Variants in STXBP5 observed in about 807,000 individuals in gnomAD.
The protein encoded by STXBP5 is syntaxin-binding protein 5.
Under a neutral mutation model 152.4 loss-of-function variants are expected in STXBP5, and 50 were observed. The ratio of observed to expected loss-of-function variants is 0.33; its 90% CI spans 0.26 to 0.42. The LOEUF (loss-of-function observed/expected upper bound fraction) is 0.42. Ranked by LOEUF, STXBP5 falls within the 10% of genes least tolerant of loss-of-function variation. The pLI is 1.00. For synonymous variants in STXBP5, 492 were observed against 494.7 expected (o/e 0.99, Z 0.07); for missense variants, 1,167 against 1,388.6 (o/e 0.84, Z 2.54).
chr6:147,353,950 A>G (rs1254138449), intron 22 of STXBP5, among the ~76,000 whole-genome samples: 1 of 152,170 alleles, frequency 6.6e-6, no homozygotes, highest in Non-Finnish European at 1.5e-5. Context: ...GCACCTTGAT[A>G]TCACATAGGG....
At chr6:147,349,781 T>C (rs903373421) in intron 21 of STXBP5, among the ~76,000 whole-genome samples, 6 of 152,276 alleles carry the variant, frequency 3.9e-5, no homozygotes, top group African/African-American at 9.6e-5. Flanking sequence ...CCAGTAGATA[T>C]TTAATAAATG....
chr6:147,372,446 T>C (rs1396812518), intron 25 of STXBP5, among the ~76,000 whole-genome samples: 1 of 101,240 alleles, frequency 9.9e-6, no homozygotes, highest in African/African-American at 4.0e-5. Context: ...TTTTTTTTTT[T>C]TTTTTTTTTT....
At chr6:147,217,372 T>G (rs1345140100) in intron 2 of STXBP5, among the ~76,000 whole-genome samples, 1 of 152,242 alleles carries the variant, frequency 6.6e-6, no homozygotes, top group African/African-American at 2.4e-5. Flanking sequence ...GATAAAAAGC[T>G]GTTTTTACTT....
At chr6:147,236,535 T>C (rs1372801871) in intron 3 of STXBP5, among the ~76,000 whole-genome samples, 1 of 152,124 alleles carries the variant, frequency 6.6e-6, no homozygotes, top group Non-Finnish European at 1.5e-5. Flanking sequence ...ATCAAAACAA[T>C]ACTATTAACT....
intron 9 of STXBP5, among the ~76,000 whole-genome samples, chr6:147,298,234 TA>T (rs1781629498): frequency 6.6e-6 from 1 of 151,930 alleles, no homozygotes; most frequent in Non-Finnish European, 1.5e-5. Flanking sequence ...TCAAAAACTG[TA>T]AAAAATGACC....
At chr6:147,220,961 T>C (rs1167252075) in intron 2 of STXBP5, among the ~76,000 whole-genome samples, 3 of 152,146 alleles carry the variant, frequency 2.0e-5, no homozygotes, top group Non-Finnish European at 4.4e-5. Context: ...TCCCGTTCTT[T>C]TTATGCCTCT....
At chr6:147,383,035 T>C in intron 27 of STXBP5, 37 bp downstream of exon 27, 3 of 1,601,388 alleles carry the variant, frequency 1.9e-6, no homozygotes, top group Non-Finnish European at 2.6e-6. Context: ...CAAAAAGCTC[T>C]AGGTAAAGCA....
At chr6:147,265,665 GGGTACACTGT>G (rs1178428183) in intron 6 of STXBP5, among the ~76,000 whole-genome samples, 3 of 152,078 alleles carry the variant, frequency 2.0e-5, no homozygotes, top group Non-Finnish European at 4.4e-5. Flanking sequence ...TGGGGCCTGG[GGGTACACTGT>G]GGTACACTGT....
intron 7 of STXBP5, among the ~76,000 whole-genome samples, chr6:147,277,529 A>G (rs770980897): frequency 4.6e-5 from 7 of 152,246 alleles, no homozygotes; most frequent in African/African-American, 7.2e-5. Flanking sequence ...CAGAAGTACA[A>G]AATAAATTTC....
chr6:147,280,751 C>A (rs923993115), intron 8 of STXBP5, among the ~76,000 whole-genome samples: 42 of 152,016 alleles, frequency 2.8e-4, no homozygotes, highest in African/African-American at 9.9e-4. Flanking sequence ...ATTGTCTTAG[C>A]AGAAAAGGGT....
intron 26 of STXBP5, among the ~76,000 whole-genome samples, chr6:147,381,756 T>C (rs753829822): frequency 6.6e-6 from 1 of 152,114 alleles, no homozygotes; most frequent in Non-Finnish European, 1.5e-5. Context: ...TTGACGTTAC[T>C]CTCAGTGAAA....
chr6:147,292,874 T>C (rs888265406), intron 9 of STXBP5: 11 of 152,126 alleles, frequency 7.2e-5, no homozygotes, highest in African/African-American at 2.7e-4. Flanking sequence ...AGTAATACTT[T>C]TCCTTTCATA....
At chr6:147,354,158 A>G (rs903479117) in intron 22 of STXBP5, among the ~76,000 whole-genome samples, 1 of 152,022 alleles carries the variant, frequency 6.6e-6, no homozygotes, top group Non-Finnish European at 1.5e-5. Context: ...CACACCCCTC[A>G]CCACTGTTTA....
At position 147,217,192 on chromosome 6, in the gene STXBP5, T is replaced by C. The variant is rs531629586; in HGVS notation, c.248+11124T>C. Among the ~76,000 whole-genome samples, 576 of 152,356 alleles carry C rather than the reference T, an allele frequency of 3.8e-3. 2 individuals are homozygous for C. The highest frequency in any genetic ancestry group is 0.013 in the African/African-American group (546 of 41,590). On this transcript the variant is annotated intron_variant, in intron 2 of 27. Coordinates refer to ENST00000321680, the MANE Select transcript of STXBP5 (RefSeq NM_001127715.4). ...GCTAAATGGTTTTCCTTTGTGCGTT[T>C]GTCTCTTTTTGTCTTTTGAAAAGGA...
intron 26 of STXBP5, among the ~76,000 whole-genome samples, chr6:147,375,277 A>G (rs1785753993): frequency 6.6e-6 from 1 of 152,186 alleles, no homozygotes; most frequent in Non-Finnish European, 1.5e-5. Context: ...TATAGTGTTC[A>G]AGAGGCTCAG....
chr6:147,286,041 A>G (rs1051417105), intron 8 of STXBP5, among the ~76,000 whole-genome samples: 1 of 152,196 alleles, frequency 6.6e-6, no homozygotes, highest in Non-Finnish European at 1.5e-5. Flanking sequence ...GAAAGGTCAT[A>G]TACATCTCTA....
At position 147,323,516 on chromosome 6, in the gene STXBP5, C is replaced by T. The variant is rs1427778158; in HGVS notation, c.1803-1443C>T. On this transcript the variant is annotated intron_variant, in intron 16 of 27. Transcript: ENST00000321680. ...AGGCGATTCTCCTGCCTCAGCCTCC[C>T]GAGTAGCTGGGATTGCAGGTGCTCA... Among the ~76,000 whole-genome samples, 14 of 151,896 alleles carry T rather than the reference C, an allele frequency of 9.2e-5. No individual in the cohort carries two copies. In the East Asian group the frequency reaches 9.7e-4, roughly 11 times the overall value.
intron 9 of STXBP5, among the ~76,000 whole-genome samples, chr6:147,309,620 G>A (rs546705440): frequency 3.3e-5 from 5 of 152,150 alleles, no homozygotes; most frequent in Middle Eastern, 3.4e-3. Context: ...GAGTGACTTC[G>A]CAGTTCTCTC....
Position 147,388,568 on chromosome 6 carries a change from TAAG to T in STXBP5, c.*3816_*3818del, listed in dbSNP as rs1786445852. ...AAAAAGTTATGTTTTACGCTTATAA[TAAG>T]AAATACTGGTATCTCATATCGAGAT... On this transcript the variant is annotated 3_prime_UTR_variant, in exon 28 of 28. Transcript: ENST00000321680. 1 of 151,524 alleles carries T rather than the reference TAAG, an allele frequency of 6.6e-6. No homozygotes were observed. Among genetic ancestry groups the T allele is most frequent in the African/African-American group, 2.4e-5 (1 of 41,404 alleles). The allele number at this position is 151,524 out of a possible 1,614,324, so 9.4% of individuals were successfully genotyped here.
Sources: gnomAD v4.1 joint callset for allele counts (sites outside exome capture counted in the v4.1 genomes callset) on GRCh38, gnomAD v4.1.1 for gene constraint, MANE v1.5 for transcripts, NCBI Gene and HGNC (gene_info 2026-07-23, HGNC 2026-07-21) for gene names.